MYO15A: variants seen among roughly 807,000 people sequenced by gnomAD.
MYO15A encodes myosin XVA.
A neutral mutation model predicts 394.6 loss-of-function variants in MYO15A; 308 were observed. The observed-to-expected ratio is 0.78, with a 90% CI of 0.71 to 0.86. MYO15A has a LOEUF of 0.86. Among genes scored for constraint, MYO15A ranks in the 40% least tolerant of loss-of-function variants. The pLI, the probability that MYO15A is intolerant of heterozygous loss-of-function variation, is 0.00. For missense variants in MYO15A, 4,606 were observed against 4,799.1 expected (o/e 0.96, Z 1.19); for synonymous variants, 1,957 against 2,003.8 (o/e 0.98, Z 0.62).
At chr17:18,176,084 C>T (rs369521020) in intron 65 of MYO15A, among the ~76,000 whole-genome samples, 1 of 152,306 alleles carries the variant, frequency 6.6e-6, no homozygotes, top group South Asian at 2.1e-4. Context: ...TAAGAACTCA[C>T]GATCCCTGCC....
rs2045932346 is a variant in MYO15A at position 18,121,547 on chromosome 17, C to CA, written c.2748dup (p.Glu917ArgfsTer63). 6.3e-7 allele frequency: 1 copy of CA among 1,582,134 alleles called. No homozygotes were observed. The highest frequency in any genetic ancestry group is 1.4e-5 in the African/African-American group (1 of 74,044). On this transcript the variant is annotated frameshift_variant, in exon 2 of 66. Transcript: ENST00000647165. LOFTEE classifies it high-confidence loss of function. This position sits in a 1 kb window ranked among gnomAD's most constrained non-coding sequence, Gnocchi z 5.3. ...GAGAGCCCGCGAGAACCCGAGGACT[C>CA]AGAGACGCCCTGGACTGTGCCCCCA...
Position 18,120,810 on chromosome 17 carries a change from A to C in MYO15A, c.2010A>C (p.Pro670=). The C allele has an allele frequency of 7.9e-7, 1 of 1,264,160 alleles. No individual in the cohort carries two copies. The highest frequency in any genetic ancestry group is 9.9e-7 in the Non-Finnish European group (1 of 1,006,236). The allele number at this position is 1,264,160 out of a possible 1,614,324, so 78.3% of individuals were successfully genotyped here. ...CTCCGCCCGTGCCCCCGCGGCCCCC[A>C]AGCTCCGGGCCCCCGCCCGCGCCGC... The part of the protein sequence containing the change: ...LLSPPVPPRP[P]SSGPPPAPPL... Residue 670 remains proline (P), a synonymous_variant, in exon 2 of 66, where the codon CCA becomes CCC. Coordinates refer to ENST00000647165, the MANE Select transcript of MYO15A (RefSeq NM_016239.4).
rs2046583357 is a variant in MYO15A, at chr17:18,151,566, A to G, written c.7787+39A>G. The G allele has an allele frequency of 1.2e-5, 19 of 1,611,846 alleles. No homozygotes were observed. In the East Asian group the frequency reaches 4.2e-4, roughly 36 times the overall value. On this transcript the variant is annotated intron_variant, in intron 40 of 65. Transcript: ENST00000647165. ...CTGCCCCCAGCCCGCCAGCCCCCTC[A>G]CTGTACCTGAGTGTCCATCATGGCC...
At chr17:18,158,709 G>A in intron 52 of MYO15A, 71 bp downstream of exon 52, 1 of 1,562,030 alleles carries the variant, frequency 6.4e-7, no homozygotes. Flanking sequence ...CCAAACTGCA[G>A]GCTGTCAGTC....
At chr17:18,140,859 G>A in intron 21 of MYO15A, 27 bp downstream of exon 21, 2 of 1,613,916 alleles carry the variant, frequency 1.2e-6, no homozygotes, top group Non-Finnish European at 8.5e-7. Flanking sequence ...GCCTCTGAGA[G>A]AGCCAAATCC....
intron 19 of MYO15A, 189 bp from the exon 20 acceptor site, chr17:18,140,328 G>A (rs139799459): frequency 1.5e-4 from 114 of 777,382 alleles, no homozygotes; most frequent in Non-Finnish European, 2.1e-4. Context: ...GGATCCCTTG[G>A]AAGATGCTGA....
chr17:18,158,779 A>G, intron 52 of MYO15A, 141 bp downstream of exon 52: 1 of 1,372,696 alleles, frequency 7.3e-7, no homozygotes, highest in Non-Finnish European at 1.0e-6. Flanking sequence ...GGCTCATTTC[A>G]GTGCCTGCCT....
chr17:18,128,619 C>CTAGG (rs1055365562), intron 7 of MYO15A, among the ~76,000 whole-genome samples: 14 of 152,310 alleles, frequency 9.2e-5, no homozygotes, highest in African/African-American at 3.4e-4. Context: ...TGTGGAATGA[C>CTAGG]TAGGTAGGTA....
chr17:18,172,031 G>A (rs2046949408), intron 63 of MYO15A, 126 bp from the exon 64 acceptor site: 1 of 1,511,132 alleles, frequency 6.6e-7, no homozygotes, highest in Non-Finnish European at 9.1e-7. Flanking sequence ...AGAGATGGGA[G>A]GAGACCCAGA....
Position 18,173,936 on chromosome 17 carries a change from A to T in MYO15A, c.10491+15A>T, listed in dbSNP as rs1255456640. The T allele has an allele frequency of 6.2e-7, 1 of 1,612,030 alleles. No homozygotes were observed. The highest frequency in any genetic ancestry group is 2.2e-5 in the East Asian group (1 of 44,856). On this transcript the variant is annotated intron_variant, in intron 65 of 65. Transcript: ENST00000647165. ...AGCTGGAGCAGGTGGGCCCAGCGCT[A>T]AGTCCAACATTCCACTCACTGGGCC...
intron 58 of MYO15A, 34 bp from the exon 59 acceptor site, chr17:18,163,209 CA>C (rs767681155): frequency 4.4e-6 from 7 of 1,605,680 alleles, no homozygotes; most frequent in African/African-American, 1.3e-5. Context: ...TCCTAGGACC[CA>C]ACCTGTCATC....
At position 18,121,724 on chromosome 17, in the gene MYO15A, C is replaced by T; in HGVS notation, c.2924C>T (p.Thr975Ile). Residue 975 changes from threonine to isoleucine, a missense_variant, in exon 2 of 66, where the codon ACC (threonine) becomes ATC (isoleucine). Thr to Ile is a moderately conservative substitution (Grantham distance 89). Around this residue, in one of 2 missense-constraint regions of MYO15A, gnomAD observed 1,830 missense variants for 1,689.7 expected, o/e 1.08. Transcript: ENST00000647165. This position sits in a 1 kb window ranked among gnomAD's most constrained non-coding sequence, Gnocchi z 5.3. ...LQLLGPVPSP[T>I]LQPEDPAADM... Reference sequence around the variant, plus strand: ...CTCCTGGGCCCTGTGCCATCCCCCACCCTCCAGCCTGAGGATCCAGCTGCT... The same window carrying T: ...CTCCTGGGCCCTGTGCCATCCCCCATCCTCCAGCCTGAGGATCCAGCTGCT... 2 of 1,600,772 alleles carry T rather than the reference C, an allele frequency of 1.2e-6. No individual in the cohort carries two copies. Among genetic ancestry groups the T allele is most frequent in the Non-Finnish European group, 1.7e-6 (2 of 1,172,346 alleles).
rs1230533591 is a variant in MYO15A, at chr17:18,135,695, T to C, written c.4483-16T>C. 5.0e-6 allele frequency: 8 copies of C among 1,611,010 alleles called. No homozygotes were observed. The highest frequency in any genetic ancestry group is 6.8e-6 in the Non-Finnish European group (8 of 1,177,266). ...CTATCTAGTTCAAAGCACATTCCTGTTGGTATTTTGCATAGACGGATGCAC... is the reference window on the plus strand; with the variant it reads ...CTATCTAGTTCAAAGCACATTCCTGCTGGTATTTTGCATAGACGGATGCAC... On this transcript the variant is annotated splice_polypyrimidine_tract_variant and intron_variant, in intron 12 of 65. Coordinates refer to ENST00000647165, the MANE Select transcript of MYO15A (RefSeq NM_016239.4).
At chr17:18,170,919 G>A (rs948861902) in intron 62 of MYO15A, among the ~76,000 whole-genome samples, 2 of 152,292 alleles carry the variant, frequency 1.3e-5, no homozygotes, top group African/African-American at 4.8e-5. Flanking sequence ...CCAAAACTGG[G>A]GAGGCTGGGT....
intron 47 of MYO15A, 108 bp downstream of exon 47, chr17:18,155,540 C>G: frequency 9.3e-7 from 1 of 1,080,886 alleles, no homozygotes; most frequent in South Asian, 1.3e-5. Flanking sequence ...ATGCGCCAGG[C>G]TCTGTGCCAA....
chr17:18,176,834 C>G (rs1480054117), intron 65 of MYO15A: 2 of 152,256 alleles, frequency 1.3e-5, no homozygotes, highest in East Asian at 3.9e-4. Flanking sequence ...CCATGCCTGG[C>G]TGGGCATCAC....
At chr17:18,111,355 A>C (rs1276772624) in intron 1 of MYO15A, among the ~76,000 whole-genome samples, 7 of 56,504 alleles carry the variant, frequency 1.2e-4, no homozygotes, top group Non-Finnish European at 2.2e-4. Context: ...AAAAAAAAAA[A>C]AAAAAAAAAA....
intron 1 of MYO15A, among the ~76,000 whole-genome samples, chr17:18,112,758 TGCATTCATATG>T: frequency 1.3e-5 from 2 of 152,220 alleles, no homozygotes; most frequent in South Asian, 4.1e-4. Context: ...GACTCAGAAA[TGCATTCATATG>T]GATAAAAATC....
chr17:18,172,333 C>A, intron 64 of MYO15A, 43 bp downstream of exon 64: 1 of 1,613,940 alleles, frequency 6.2e-7, no homozygotes, highest in South Asian at 1.1e-5. Context: ...ACCCTCTGTT[C>A]CCTGGTCCCC....
Sources: gnomAD v4.1 joint callset for allele counts (sites outside exome capture counted in the v4.1 genomes callset) on GRCh38, gnomAD v4.1.1 for gene constraint, gnomAD v4.1.1 regional missense constraint, Gnocchi (gnomAD v3.1) non-coding constraint, MANE v1.5 for transcripts, NCBI Gene and HGNC (gene_info 2026-07-23, HGNC 2026-07-21) for gene names.